AP3S2: variants seen among roughly 807,000 people sequenced by gnomAD.
AP3S2 encodes adaptor related protein complex 3 subunit sigma 2, also known as AP-3 complex subunit sigma-2.
A neutral mutation model predicts 23.4 loss-of-function variants in AP3S2; 22 were observed. The observed-to-expected ratio is 0.94, with a 90% CI of 0.67 to 1.34. The LOEUF is 1.34. Among genes scored for constraint, AP3S2 ranks in the 40% most tolerant of loss-of-function variants. The pLI is 0.00. For synonymous variants in AP3S2, 86 were observed against 87.1 expected (o/e 0.99, Z 0.07); for missense variants, 241 against 236.9 (o/e 1.02, Z -0.11).
chr15:89,866,937 C>T (rs1896138762), intron 4 of AP3S2, among the ~76,000 whole-genome samples: 1 of 151,688 alleles, frequency 6.6e-6, no homozygotes, highest in African/African-American at 2.4e-5. Flanking sequence ...CTCAATACAC[C>T]TCTCCATGGG....
intron 4 of AP3S2, among the ~76,000 whole-genome samples, chr15:89,858,712 A>G (rs941528635): frequency 2.0e-5 from 3 of 152,234 alleles, no homozygotes; most frequent in Non-Finnish European, 4.4e-5. Flanking sequence ...TTTATCTGCA[A>G]CATATCCAAG....
chr15:89,853,797 C>T (rs56112448), intron 4 of AP3S2, among the ~76,000 whole-genome samples: 2 of 97,276 alleles, frequency 2.1e-5, no homozygotes, highest in South Asian at 4.1e-4. Flanking sequence ...TCTGCCCGGC[C>T]GAGACCCCGT....
chr15:89,868,017 G>A (rs1367121002), intron 4 of AP3S2, among the ~76,000 whole-genome samples: 10 of 137,842 alleles, frequency 7.3e-5, no homozygotes, highest in Admixed American at 5.6e-4. Flanking sequence ...CCGGCCAGCC[G>A]CCCCGTCCAG....
chr15:89,877,788 C>T (rs1272782520), intron 3 of AP3S2, among the ~76,000 whole-genome samples: 1 of 151,822 alleles, frequency 6.6e-6, no homozygotes, highest in African/African-American at 2.4e-5. Flanking sequence ...GAGTGAGACT[C>T]TGTCTCAAAA....
At chr15:89,869,787 T>C (rs1896276162) in intron 4 of AP3S2, among the ~76,000 whole-genome samples, 1 of 151,540 alleles carries the variant, frequency 6.6e-6, no homozygotes, top group Admixed American at 6.6e-5. Context: ...ACAGTCTCGC[T>C]CTGTTGCCCA....
At chr15:89,868,559 G>C (rs1896222299) in intron 4 of AP3S2, among the ~76,000 whole-genome samples, 1 of 135,902 alleles carries the variant, frequency 7.4e-6, no homozygotes, top group Non-Finnish European at 1.6e-5. Context: ...CCGTCCGGGA[G>C]GGAGGTGGGG....
intron 3 of AP3S2, among the ~76,000 whole-genome samples, chr15:89,873,648 T>A: frequency 6.6e-6 from 1 of 152,102 alleles, no homozygotes; most frequent in South Asian, 2.1e-4. Context: ...AGACAATTGA[T>A]TAACTTGATT....
chr15:89,844,291 CTTT>C (rs1895430209), intron 4 of AP3S2, among the ~76,000 whole-genome samples: 1 of 129,258 alleles, frequency 7.7e-6, no homozygotes, highest in African/African-American at 2.7e-5. Context: ...CTCTTTCTTT[CTTT>C]ACTTTTTTCT....
chr15:89,874,604 G>A (rs1896399167), intron 3 of AP3S2, among the ~76,000 whole-genome samples: 2 of 151,866 alleles, frequency 1.3e-5, no homozygotes, highest in Non-Finnish European at 2.9e-5. Flanking sequence ...GCAAAACATC[G>A]TCTCCACAAA....
chr15:89,853,181 TA>T (rs1243087051), intron 4 of AP3S2, among the ~76,000 whole-genome samples: 1 of 152,130 alleles, frequency 6.6e-6, no homozygotes, highest in African/African-American at 2.4e-5. Flanking sequence ...AGGGAGTTAG[TA>T]AAAAATACAT....
chr15:89,891,286 A>G (rs139352009), intron 1 of AP3S2, among the ~76,000 whole-genome samples: 1 of 152,332 alleles, frequency 6.6e-6, no homozygotes, highest in African/African-American at 2.4e-5. Flanking sequence ...TAAAAATCCT[A>G]TGATCCAAAG....
rs1895130960 is a variant in AP3S2, at chr15:89,833,811, G to C, written c.*1704C>G. The stretch of plus-strand genomic sequence containing the variant: ...GATCGGAGGCTGTATTGAGCAGTGG[G>C]CACAAACCACAGGGAGCGCTGTTCA... On this transcript the variant is annotated 3_prime_UTR_variant, in exon 6 of 6. Coordinates refer to ENST00000336418, the MANE Select transcript of AP3S2 (RefSeq NM_005829.5). 1 of 152,246 alleles carries C rather than the reference G, an allele frequency of 6.6e-6. No individual in the cohort carries two copies. The highest frequency in any genetic ancestry group is 2.4e-5 in the African/African-American group (1 of 41,446). 9.4% of individuals were successfully genotyped at this position (152,246 alleles called of 1,614,324 possible).
At chr15:89,861,073 C>T (rs1258088438) in intron 4 of AP3S2, among the ~76,000 whole-genome samples, 1 of 152,298 alleles carries the variant, frequency 6.6e-6, no homozygotes, top group Non-Finnish European at 1.5e-5. Context: ...TTTGTTATCA[C>T]AAGCTCTGTT....
At chr15:89,879,978 G>C (rs1207926111) in intron 3 of AP3S2, among the ~76,000 whole-genome samples, 1 of 90,322 alleles carries the variant, frequency 1.1e-5, no homozygotes, top group African/African-American at 4.3e-5. Context: ...TTTTTTTTTT[G>C]AGATGGAGTC....
At chr15:89,859,166 C>CCTTT (rs1179870190) in intron 4 of AP3S2, among the ~76,000 whole-genome samples, 1 of 150,538 alleles carries the variant, frequency 6.6e-6, no homozygotes. Context: ...GCCCAAGTGT[C>CCTTT]CTTCCTTCCT....
intron 3 of AP3S2, among the ~76,000 whole-genome samples, chr15:89,879,734 T>G (rs889515098): frequency 4.8e-4 from 73 of 152,128 alleles, no homozygotes; most frequent in African/African-American, 1.7e-3. Context: ...GCCTCCTCAG[T>G]AGCTGGGACT....
chr15:89,850,535 T>C (rs940119436), intron 4 of AP3S2: 3 of 152,324 alleles, frequency 2.0e-5, no homozygotes, highest in Admixed American at 6.5e-5. Context: ...GTCACACTCA[T>C]TCCAGACATA....
In AP3S2 at chr15:89,835,545, G is replaced by C. The variant is rs1567170826; in HGVS notation, c.552C>G (p.Ile184Met). The change falls in exon 6 of 6, where the codon ATC becomes ATG. Residue 184 changes from isoleucine (I) to methionine (M), a missense_variant. By Grantham distance (10) the Ile-to-Met change is conservative. Coordinates refer to ENST00000336418, the MANE Select transcript of AP3S2 (RefSeq NM_005829.5). ...PRNINIGDLN[I>M]KVPNLSQFV ...CAAACTGGGACAGGTTGGGAACTTT[G>C]ATGTTGAGATCGCCAATGTTGATGT... 3 of 1,613,862 alleles carry C rather than the reference G, an allele frequency of 1.9e-6. No individual in the cohort carries two copies. Among genetic ancestry groups the C allele is most frequent in the Non-Finnish European group, 1.7e-6 (2 of 1,180,020 alleles).
chr15:89,876,492 A>C (rs1896446411), intron 3 of AP3S2: 1 of 152,264 alleles, frequency 6.6e-6, no homozygotes. Flanking sequence ...GATAAAAACT[A>C]CATCTGTGTT....
Sources: allele counts gnomAD v4.1 joint callset (sites outside exome capture counted in the v4.1 genomes callset), GRCh38; gene constraint gnomAD v4.1.1; transcripts MANE v1.5; gene names NCBI Gene and HGNC (gene_info 2026-07-23, HGNC 2026-07-21).